The following ADTRP variants were observed in gnomAD, a reference collection of about 807,000 sequenced individuals.
The protein encoded by ADTRP is androgen-dependent TFPI-regulating protein.
In ADTRP, 20 loss-of-function variants were observed where a neutral mutation model predicts 27.0. The observed-to-expected ratio is 0.74, with a 90% CI of 0.52 to 1.08. The LOEUF (loss-of-function observed/expected upper bound fraction) is 1.08. ADTRP is among the 50% of genes least tolerant of loss of function. The pLI is 0.00. For synonymous variants in ADTRP, 101 were observed against 105.2 expected (o/e 0.96, Z 0.25); for missense variants, 251 against 275.0 (o/e 0.91, Z 0.62).
intron 1 of ADTRP, 45 bp downstream of exon 1, chr6:11,778,562 T>A (rs756312464): frequency 3.2e-6 from 5 of 1,583,282 alleles, no homozygotes; most frequent in Non-Finnish European, 4.3e-6. Flanking sequence ...AGCACTGATA[T>A]TCTAGAGAAA....
At chr6:11,752,734 G>C (rs772446654) in intron 3 of ADTRP, among the ~76,000 whole-genome samples, 2 of 152,126 alleles carry the variant, frequency 1.3e-5, no homozygotes, top group Non-Finnish European at 2.9e-5. Flanking sequence ...TACCCACTAG[G>C]GAATAATGGA....
At chr6:11,738,086 A>G (rs1762603506) in intron 3 of ADTRP, among the ~76,000 whole-genome samples, 1 of 152,188 alleles carries the variant, frequency 6.6e-6, no homozygotes. Flanking sequence ...GAGTGCGTGT[A>G]ATATGCTTAG....
At chr6:11,734,880 CTCTT>C (rs1360832164) in intron 4 of ADTRP, among the ~76,000 whole-genome samples, 1 of 152,192 alleles carries the variant, frequency 6.6e-6, no homozygotes, top group East Asian at 1.9e-4. Flanking sequence ...TTCAGCAAGC[CTCTT>C]TCTTTCAGAA....
At chr6:11,770,137 T>C (rs979368824) in intron 1 of ADTRP, 1 of 1,500,622 alleles carries the variant, frequency 6.7e-7, no homozygotes, top group African/African-American at 1.4e-5. Flanking sequence ...GTAGTTCAGA[T>C]AAAGCATTGT....
intron 5 of ADTRP, among the ~76,000 whole-genome samples, chr6:11,718,434 T>C (rs1487746173): frequency 7.2e-6 from 1 of 138,124 alleles, no homozygotes; most frequent in Non-Finnish European, 1.7e-5. Context: ...TTGTGTGCTA[T>C]CAATCATCAA....
intron 5 of ADTRP, among the ~76,000 whole-genome samples, chr6:11,720,107 C>T (rs1761968026): frequency 2.0e-5 from 3 of 152,200 alleles, no homozygotes; most frequent in Admixed American, 2.0e-4. Context: ...TTTCTTCTAA[C>T]CACAGCCCCC....
intron 4 of ADTRP, among the ~76,000 whole-genome samples, chr6:11,729,637 G>A (rs1387114599): frequency 1.3e-5 from 2 of 152,052 alleles, no homozygotes; most frequent in South Asian, 2.1e-4. Context: ...GAGACTGCAG[G>A]GTCTGAATTT....
At chr6:11,725,082 C>T (rs1762143488) in intron 4 of ADTRP, among the ~76,000 whole-genome samples, 1 of 152,212 alleles carries the variant, frequency 6.6e-6, no homozygotes, top group African/African-American at 2.4e-5. Context: ...TGATCTCTGT[C>T]ATTTCAAATA....
intron 3 of ADTRP, among the ~76,000 whole-genome samples, chr6:11,750,045 T>G (rs1433157654): frequency 1.3e-5 from 2 of 152,164 alleles, no homozygotes; most frequent in Non-Finnish European, 2.9e-5. Flanking sequence ...TTCCAAAGAC[T>G]GGAGGCCAGA....
intron 3 of ADTRP, among the ~76,000 whole-genome samples, chr6:11,749,755 T>C (rs1762981145): frequency 6.6e-6 from 1 of 152,124 alleles, no homozygotes; most frequent in Non-Finnish European, 1.5e-5. Context: ...GACTAGAATA[T>C]GATGAATGAT....
At chr6:11,769,199 G>A (rs1380736269) in intron 1 of ADTRP, among the ~76,000 whole-genome samples, 1 of 152,174 alleles carries the variant, frequency 6.6e-6, no homozygotes, top group Non-Finnish European at 1.5e-5. Flanking sequence ...TTGGGGGGTG[G>A]GGTTAAGTTA....
chr6:11,728,500 G>A (rs1327822436), intron 4 of ADTRP: 2 of 152,260 alleles, frequency 1.3e-5, no homozygotes, highest in East Asian at 1.9e-4. Context: ...TCTTTGCCCT[G>A]TGTCTGGCTG....
intron 3 of ADTRP, among the ~76,000 whole-genome samples, chr6:11,761,501 A>G (rs967022849): frequency 1.3e-5 from 2 of 152,224 alleles, no homozygotes; most frequent in Non-Finnish European, 2.9e-5. Flanking sequence ...GCTATATTGC[A>G]TATTAGATTA....
chr6:11,757,281 A>C (rs1763244165), intron 3 of ADTRP, among the ~76,000 whole-genome samples: 1 of 152,164 alleles, frequency 6.6e-6, no homozygotes, highest in African/African-American at 2.4e-5. Context: ...AACATCTCTT[A>C]AATCCCCCCA....
At chr6:11,751,687 C>T (rs1763061242) in intron 3 of ADTRP, among the ~76,000 whole-genome samples, 1 of 152,264 alleles carries the variant, frequency 6.6e-6, no homozygotes, top group Non-Finnish European at 1.5e-5. Context: ...AACCTCCGTT[C>T]TGAGATCCTA....
chr6:11,744,042 G>A (rs1252710674), intron 3 of ADTRP, among the ~76,000 whole-genome samples: 1 of 152,194 alleles, frequency 6.6e-6, no homozygotes, highest in Non-Finnish European at 1.5e-5. Context: ...AGTGGGAGGT[G>A]CTTGGGCCAT....
intron 5 of ADTRP, among the ~76,000 whole-genome samples, chr6:11,721,645 C>T (rs1237881126): frequency 6.6e-6 from 1 of 152,086 alleles, no homozygotes; most frequent in East Asian, 1.9e-4. Context: ...AGAAAGACCT[C>T]GAGAGGTAAG....
intron 3 of ADTRP, among the ~76,000 whole-genome samples, chr6:11,744,773 A>G (rs149660793): frequency 6.6e-6 from 1 of 152,290 alleles, no homozygotes; most frequent in East Asian, 1.9e-4. Flanking sequence ...TGGAGGAAGG[A>G]GATTGTTCTT....
intron 1 of ADTRP, chr6:11,770,193 G>A (rs540005924): frequency 6.8e-6 from 7 of 1,029,908 alleles, no homozygotes; most frequent in African/African-American, 6.3e-5. Flanking sequence ...GAGAATGAAC[G>A]ACCACTTCAC....
Sources: gnomAD v4.1 joint callset for allele counts (sites outside exome capture counted in the v4.1 genomes callset) on GRCh38, gnomAD v4.1.1 for gene constraint, MANE v1.5 for transcripts, NCBI Gene and HGNC (gene_info 2026-07-23, HGNC 2026-07-21) for gene names.